The following ARMC2 variants were observed in gnomAD, a reference collection of about 807,000 sequenced individuals.
ARMC2 encodes armadillo repeat containing 2.
In ARMC2, 67 loss-of-function variants were observed where a neutral mutation model predicts 90.3. That is an observed-to-expected ratio of 0.74 (90% CI 0.61 to 0.91). ARMC2 has a LOEUF of 0.91. Among genes scored for constraint, ARMC2 ranks in the 40% least tolerant of loss-of-function variants. ARMC2 has a pLI of 0.00. For missense variants in ARMC2, 920 were observed against 1,030.9 expected, an observed-to-expected ratio of 0.89 and a Z score of 1.47; for synonymous variants, 393 against 393.0, an observed-to-expected ratio of 1.00 and a Z score of 0.00.
the ARMC2 span, among the ~76,000 whole-genome samples, chr6:109,039,804 T>A: frequency 6.6e-6 from 1 of 152,256 alleles, no homozygotes; most frequent in African/African-American, 2.4e-5. Context: ...CTTTCTATTG[T>A]CTTAACTAGA....
chr6:108,980,638 TG>T, the ARMC2 span, among the ~76,000 whole-genome samples: 1 of 152,036 alleles, frequency 6.6e-6, no homozygotes, highest in East Asian at 1.9e-4. Context: ...CCCAGGGAGA[TG>T]GGGGTTTTAT....
At chr6:109,005,294 T>C in the ARMC2 span, among the ~76,000 whole-genome samples, 1 of 152,096 alleles carries the variant, frequency 6.6e-6, no homozygotes, top group East Asian at 1.9e-4. Context: ...CAAGTTATAT[T>C]ACAATAATGG....
chr6:108,989,458 TAG>T, the ARMC2 span, among the ~76,000 whole-genome samples: 1 of 146,024 alleles, frequency 6.8e-6, no homozygotes, highest in Non-Finnish European at 1.6e-5. Context: ...TCTCTATATC[TAG>T]AGATATAGAA....
At chr6:109,049,405 A>G in the ARMC2 span, among the ~76,000 whole-genome samples, 1 of 152,144 alleles carries the variant, frequency 6.6e-6, no homozygotes, top group Non-Finnish European at 1.5e-5. Flanking sequence ...GGGGAATATG[A>G]AGAGATCTGC....
chr6:109,002,215 T>C, the ARMC2 span: 1 of 1,412,524 alleles, frequency 7.1e-7, no homozygotes, highest in Non-Finnish European at 1.0e-6. Context: ...TGCCAACATG[T>C]GGGTCATGAA....
chr6:108,899,823 T>G, intron 7 of ARMC2, 31 bp downstream of exon 7: 1 of 1,529,128 alleles, frequency 6.5e-7, no homozygotes, highest in South Asian at 1.2e-5. Context: ...CAAAAAACCG[T>G]TTTTGTTTTT....
At chr6:108,981,174 C>T in the ARMC2 span, among the ~76,000 whole-genome samples, 1 of 152,002 alleles carries the variant, frequency 6.6e-6, no homozygotes, top group East Asian at 1.9e-4. Context: ...TCAAACTCTC[C>T]CCTCGCCAAA....
At chr6:108,992,947 A>AAT in the ARMC2 span, 1 of 1,256,708 alleles carries the variant, frequency 8.0e-7, no homozygotes, top group South Asian at 1.2e-5. Context: ...GATGCTAGTT[A>AAT]AAATTGATTT....
At chr6:108,981,429 T>C in the ARMC2 span, among the ~76,000 whole-genome samples, 1 of 152,178 alleles carries the variant, frequency 6.6e-6, no homozygotes, top group Non-Finnish European at 1.5e-5. Context: ...CTAGAACTCT[T>C]TCATCTTGTA....
the ARMC2 span, chr6:108,994,666 A>T: frequency 2.7e-6 from 3 of 1,112,142 alleles, no homozygotes; most frequent in African/African-American, 1.6e-5. Flanking sequence ...TATATGAATT[A>T]TCTTTTAAGT....
At chr6:108,872,186 T>A (rs1467799754) in intron 4 of ARMC2, among the ~76,000 whole-genome samples, 2 of 151,960 alleles carry the variant, frequency 1.3e-5, no homozygotes. Context: ...AGGGCCGGGG[T>A]GTGGTGGCAG....
chr6:109,044,404 A>G, the ARMC2 span, among the ~76,000 whole-genome samples: 1 of 151,506 alleles, frequency 6.6e-6, no homozygotes, highest in South Asian at 2.1e-4. Context: ...TCCACCAAGT[A>G]ATGATGAAAT....
intron 12 of ARMC2, among the ~76,000 whole-genome samples, 158 bp from the exon 13 acceptor site, chr6:108,952,875 C>T (rs1189741971): frequency 1.3e-5 from 2 of 152,164 alleles, no homozygotes; most frequent in Admixed American, 6.5e-5. Context: ...TGTCACTTTG[C>T]ACTGATCTTG....
chr6:109,019,698 A>T, the ARMC2 span, among the ~76,000 whole-genome samples: 3 of 152,212 alleles, frequency 2.0e-5, no homozygotes, highest in East Asian at 3.8e-4. Context: ...AATTGAAAAA[A>T]ATTAAGTAGT....
At chr6:109,048,379 C>T in the ARMC2 span, among the ~76,000 whole-genome samples, 607 of 152,252 alleles carry the variant, frequency 4.0e-3, 3 homozygotes, top group Non-Finnish European at 5.4e-3. Context: ...AGTATTGCAC[C>T]GTGGGTTTAG....
At chr6:109,042,146 T>C in the ARMC2 span, among the ~76,000 whole-genome samples, 1 of 152,028 alleles carries the variant, frequency 6.6e-6, no homozygotes, top group East Asian at 1.9e-4. Flanking sequence ...TTAAAAAATA[T>C]ATTGAATAGG....
At chr6:109,035,372 T>C in the ARMC2 span, among the ~76,000 whole-genome samples, 3 of 152,200 alleles carry the variant, frequency 2.0e-5, no homozygotes, top group African/African-American at 7.2e-5. Context: ...ATTTGTACAC[T>C]ACACCTCTGT....
At chr6:108,966,503 CAG>C (rs1405584905) in intron 17 of ARMC2, among the ~76,000 whole-genome samples, 1 of 152,156 alleles carries the variant, frequency 6.6e-6, no homozygotes, top group Non-Finnish European at 1.5e-5. Flanking sequence ...TGCTACTAAA[CAG>C]AAACTGGAAC....
At chr6:108,883,331 A>G (rs562723634) in intron 5 of ARMC2, among the ~76,000 whole-genome samples, 1 of 152,386 alleles carries the variant, frequency 6.6e-6, no homozygotes, top group East Asian at 1.9e-4. Context: ...GAAAACCTGT[A>G]GACAACAAAA....
Sources: allele counts gnomAD v4.1 joint callset (sites outside exome capture counted in the v4.1 genomes callset), GRCh38; gene constraint gnomAD v4.1.1; transcripts MANE v1.5; gene names NCBI Gene and HGNC (gene_info 2026-07-23, HGNC 2026-07-21).